ZNF385D: variants seen among roughly 807,000 people sequenced by gnomAD.
The protein encoded by ZNF385D is zinc finger protein 385D, also known as zinc finger protein 659.
ZNF385D carries 15 observed loss-of-function variants against 35.8 expected under a neutral mutation model. The observed-to-expected ratio is 0.42, with a 90% CI of 0.28 to 0.64. The LOEUF (loss-of-function observed/expected upper bound fraction) is 0.64, where lower values mean the gene tolerates loss of function less well. Among genes scored for constraint, ZNF385D ranks in the 30% least tolerant of loss-of-function variants. ZNF385D has a pLI of 0.23. For synonymous variants in ZNF385D, 212 were observed against 186.8 expected, an observed-to-expected ratio of 1.13 and a Z score of -1.10; for missense variants, 474 against 494.6, an observed-to-expected ratio of 0.96 and a Z score of 0.39.
At chr3:22,195,100 T>A (rs1003929352) in intron 2 of ZNF385D, among the ~76,000 whole-genome samples, 6 of 151,870 alleles carry the variant, frequency 4.0e-5, no homozygotes, top group African/African-American at 1.4e-4. Flanking sequence ...TTTATGAGAG[T>A]TCCAATTGCT....
intron 3 of ZNF385D, among the ~76,000 whole-genome samples, chr3:22,036,247 G>C (rs1698308977): frequency 6.6e-6 from 1 of 152,152 alleles, no homozygotes; most frequent in South Asian, 2.1e-4. Context: ...CAACAGGGAA[G>C]AATACAGAAC....
chr3:21,543,477 C>G (rs1202913127), intron 3 of ZNF385D, among the ~76,000 whole-genome samples: 1 of 152,192 alleles, frequency 6.6e-6, no homozygotes. Flanking sequence ...CCGCTCCCCA[C>G]TCCTTGCGGG....
intron 2 of ZNF385D, among the ~76,000 whole-genome samples, chr3:22,354,633 A>T (rs886676957): frequency 6.6e-6 from 1 of 152,094 alleles, no homozygotes; most frequent in Non-Finnish European, 1.5e-5. Context: ...TAATGGTATA[A>T]CAATATCCAT....
chr3:22,013,071 T>A (rs1696674418), intron 3 of ZNF385D, among the ~76,000 whole-genome samples: 1 of 152,106 alleles, frequency 6.6e-6, no homozygotes, highest in African/African-American at 2.4e-5. Context: ...TTAAAGTAGA[T>A]AAGCTCAAAC....
rs780662451 is a variant in ZNF385D at position 21,421,477 on chromosome 3, A to C, written c.955-30T>G. The C allele has an allele frequency of 2.6e-6, 4 of 1,564,634 alleles. No individual in the cohort carries two copies. In the East Asian group the frequency reaches 6.8e-5, roughly 27 times the overall value. On this transcript the variant is annotated intron_variant, in intron 7 of 7. Transcript: ENST00000281523. ...AAGGGAGAAAAAATATTGTAAAAAAAACAACAGTTTTGGAATTTGTACTTA... is the reference window on the plus strand; with the variant it reads ...AAGGGAGAAAAAATATTGTAAAAAACACAACAGTTTTGGAATTTGTACTTA...
At chr3:21,774,275 G>A (rs1380330807) in intron 3 of ZNF385D, among the ~76,000 whole-genome samples, 1 of 151,778 alleles carries the variant, frequency 6.6e-6, no homozygotes, top group Admixed American at 6.6e-5. Context: ...GTCAGAGGGT[G>A]GGGGTGGTGA....
Position 21,901,284 on chromosome 3 carries a change from C to T in ZNF385D, c.326-236256G>A, listed in dbSNP as rs374716417. On this transcript the variant is annotated intron_variant, in intron 3 of 5. Transcript: ENST00000494108. ...GAGCCACTTATTTACCTCTTAATTTCCACCCACGCCTCCCAAGCCTAAACT... is the reference window on the plus strand; with the variant it reads ...GAGCCACTTATTTACCTCTTAATTTTCACCCACGCCTCCCAAGCCTAAACT... 3.4e-4 allele frequency among the ~76,000 whole-genome samples: 51 copies of T among 152,234 alleles called. 1 individual carries two copies. The South Asian group carries it at 0.011, about 32-fold the overall frequency.
At chr3:21,831,211 T>C (rs1476133950) in intron 3 of ZNF385D, among the ~76,000 whole-genome samples, 2 of 152,212 alleles carry the variant, frequency 1.3e-5, no homozygotes, top group East Asian at 1.9e-4. Flanking sequence ...TCCTTTTTCT[T>C]ATATTCTATC....
intron 7 of ZNF385D, among the ~76,000 whole-genome samples, chr3:21,422,258 C>A (rs1221116168): frequency 6.6e-6 from 1 of 152,194 alleles, no homozygotes; most frequent in Non-Finnish European, 1.5e-5. Flanking sequence ...ACAGAGATAG[C>A]ATTCAGGGTT....
At chr3:22,218,815 T>C (rs1372327651) in intron 2 of ZNF385D, among the ~76,000 whole-genome samples, 3 of 152,168 alleles carry the variant, frequency 2.0e-5, no homozygotes, top group South Asian at 2.1e-4. Flanking sequence ...TGTATATATT[T>C]TGTCCAGTTT....
intron 1 of ZNF385D, among the ~76,000 whole-genome samples, chr3:21,688,908 C>A (rs927884742): frequency 6.6e-6 from 1 of 152,060 alleles, no homozygotes; most frequent in Non-Finnish European, 1.5e-5. Flanking sequence ...GTGTTTCCAA[C>A]AACATACTAC....
chr3:22,097,256 A>G (rs1701683244), intron 3 of ZNF385D, among the ~76,000 whole-genome samples: 1 of 152,050 alleles, frequency 6.6e-6, no homozygotes, highest in Non-Finnish European at 1.5e-5. Context: ...TTACAGAGCA[A>G]TAGATAACTG....
intron 3 of ZNF385D, among the ~76,000 whole-genome samples, chr3:22,037,244 G>T (rs1698383959): frequency 7.2e-6 from 1 of 138,670 alleles, no homozygotes; most frequent in East Asian, 2.4e-4. Flanking sequence ...GGATGGCTGG[G>T]TCAAATGGTA....
chr3:22,370,422 T>A (rs1278280938), intron 2 of ZNF385D, among the ~76,000 whole-genome samples: 6 of 152,156 alleles, frequency 3.9e-5, no homozygotes, highest in Non-Finnish European at 7.4e-5. Context: ...AAGCTGGCAG[T>A]CCGAATTATA....
rs768266786 is a variant in ZNF385D at position 21,940,998 on chromosome 3, G to C, written c.325+227819C>G. 1.5e-3 allele frequency among the ~76,000 whole-genome samples: 233 copies of C among 152,250 alleles called. 1 individual carries two copies. Among genetic ancestry groups the C allele is most frequent in the Non-Finnish European group, 2.0e-3 (138 of 67,998 alleles). On this transcript the variant is annotated intron_variant, in intron 3 of 5. Coordinates refer to the ZNF385D transcript ENST00000494108. The stretch of plus-strand genomic sequence containing the variant: ...AAAGAATATTAAATCTAAAGTGTTT[G>C]AAACCGATAACTAATAAAGATCAAT...
chr3:22,218,150 A>G lies in ZNF385D; in HGVS notation c.107-49115T>C, dbSNP rs1370034901. 2.8e-4 allele frequency among the ~76,000 whole-genome samples: 43 copies of G among 152,134 alleles called. 1 individual carries two copies. Among genetic ancestry groups the G allele is most frequent in the Non-Finnish European group, 8.8e-5 (6 of 68,014 alleles). On this transcript the variant is annotated intron_variant, in intron 2 of 5. Transcript: ENST00000494108. Reference sequence around the variant, plus strand: ...CCACAGCTATCTCGTAGGAATTTTTACTTACAATTTCATCAAATCTTTAGA... The same window carrying G: ...CCACAGCTATCTCGTAGGAATTTTTGCTTACAATTTCATCAAATCTTTAGA...
At chr3:21,550,603 C>T (rs4086355) in intron 3 of ZNF385D, among the ~76,000 whole-genome samples, 79,015 of 151,844 alleles carry the variant, frequency 0.52, 21,196 homozygotes, top group African/African-American at 0.67. Flanking sequence ...CCGCCTCAGC[C>T]TCCTTAGTAG....
chr3:22,005,056 CAAAAAAAAAAAAAAAA>C (rs71044965), intron 3 of ZNF385D, among the ~76,000 whole-genome samples: 2 of 57,356 alleles, frequency 3.5e-5, no homozygotes, highest in Non-Finnish European at 6.5e-5. Context: ...CACTCAGCAG[CAAAAAAAAAAAAAAAA>C]AAAAAAAAAA....
intron 2 of ZNF385D, among the ~76,000 whole-genome samples, chr3:21,593,718 T>A (rs73819313): frequency 0.15 from 22,751 of 151,718 alleles, 3,096 homozygotes; most frequent in African/African-American, 0.36. Flanking sequence ...AGACTTTTTT[T>A]AAAAATTACA....
Sources: gnomAD v4.1 joint callset for allele counts (sites outside exome capture counted in the v4.1 genomes callset) on GRCh38, gnomAD v4.1.1 for gene constraint, MANE v1.5 for transcripts, NCBI Gene and HGNC (gene_info 2026-07-23, HGNC 2026-07-21) for gene names.